ANKS1B: variants seen among roughly 807,000 people sequenced by gnomAD.
ANKS1B encodes the protein ankyrin repeat and sterile alpha motif domain-containing protein 1B.
A neutral mutation model predicts 148.3 loss-of-function variants in ANKS1B; 36 were observed. The ratio of observed to expected loss-of-function variants is 0.24; its 90% CI spans 0.19 to 0.32. ANKS1B has a LOEUF of 0.32. Among genes scored for constraint, ANKS1B ranks in the 10% least tolerant of loss-of-function variants. The probability of loss-of-function intolerance (pLI) is 1.00; values close to 1 mark genes in which losing one functional copy is unlikely to be tolerated. For missense variants in ANKS1B, 1,157 were observed against 1,542.6 expected (o/e 0.75, Z 4.19); for synonymous variants, 542 against 560.8 (o/e 0.97, Z 0.47).
At chr12:99,443,587 C>G (rs1334859989) in intron 11 of ANKS1B, 86 bp downstream of exon 11, 2 of 1,395,206 alleles carry the variant, frequency 1.4e-6, no homozygotes, top group Non-Finnish European at 2.0e-6. Context: ...ATAAAACAGT[C>G]CAGGCATTGC....
intron 9 of ANKS1B, among the ~76,000 whole-genome samples, chr12:99,578,618 A>G (rs570970180): frequency 6.6e-6 from 1 of 152,274 alleles, no homozygotes; most frequent in African/African-American, 2.4e-5. Context: ...AAAAGAATAA[A>G]ATGCCTAGGA....
At chr12:98,965,703 G>C (rs573942202) in intron 17 of ANKS1B, among the ~76,000 whole-genome samples, 4 of 152,214 alleles carry the variant, frequency 2.6e-5, no homozygotes, top group South Asian at 2.1e-4. Context: ...AACAGAGATA[G>C]AGACCAATGG....
intron 8 of ANKS1B, among the ~76,000 whole-genome samples, chr12:99,715,964 A>C (rs1375942572): frequency 6.6e-6 from 1 of 152,104 alleles, no homozygotes; most frequent in African/African-American, 2.4e-5. Flanking sequence ...ATGTTTAATC[A>C]TTGCAGGGAC....
intron 12 of ANKS1B, chr12:99,352,196 G>C (rs908040636): frequency 5.3e-5 from 8 of 151,812 alleles, no homozygotes; most frequent in Non-Finnish European, 1.2e-4. Context: ...TATTATATTT[G>C]ATAAATTAAA....
At chr12:99,930,041 A>T (rs1285352923) in intron 1 of ANKS1B, among the ~76,000 whole-genome samples, 2 of 152,002 alleles carry the variant, frequency 1.3e-5, no homozygotes, top group African/African-American at 2.4e-5. Flanking sequence ...GAAGAAAGTC[A>T]TTGGTAGCTT....
At position 98,801,428 on chromosome 12, in the gene ANKS1B, T is replaced by A. The variant is rs2099004360; in HGVS notation, c.3142-303A>T. On this transcript the variant is annotated intron_variant, in intron 20 of 26. Transcript: ENST00000683438. The surrounding 1 kb of genome is among the most constrained non-coding windows in gnomAD (Gnocchi z 5.2). ...ATGATTTACTAATCACAATTTTCCA[T>A]CACAACAGCAAAGGACACACAATCT... 6.6e-6 allele frequency among the ~76,000 whole-genome samples: 1 copy of A among 152,186 alleles called. No individual in the cohort carries two copies. Among genetic ancestry groups the A allele is most frequent in the Non-Finnish European group, 1.5e-5 (1 of 68,040 alleles).
chr12:98,925,299 T>G (rs1010816130), intron 17 of ANKS1B, among the ~76,000 whole-genome samples: 9 of 152,262 alleles, frequency 5.9e-5, no homozygotes, highest in Middle Eastern at 3.4e-3. Context: ...CTGGGGTATA[T>G]GAAGGAAGAA....
intron 22 of ANKS1B, among the ~76,000 whole-genome samples, chr12:98,797,398 T>G (rs575191987): frequency 6.6e-6 from 1 of 152,292 alleles, no homozygotes; most frequent in Non-Finnish European, 1.5e-5. Context: ...CCTCCATTTC[T>G]TCGTCTGTAA....
chr12:99,614,668 T>A (rs2097935833), intron 9 of ANKS1B, among the ~76,000 whole-genome samples: 1 of 152,058 alleles, frequency 6.6e-6, no homozygotes, highest in Admixed American at 6.6e-5. Flanking sequence ...TTTTTTTACA[T>A]GTAGTATATT....
chr12:99,560,650 T>C (rs2097324061), intron 9 of ANKS1B, among the ~76,000 whole-genome samples: 1 of 152,130 alleles, frequency 6.6e-6, no homozygotes, highest in East Asian at 1.9e-4. Context: ...TAGCATTATA[T>C]CTATAAAAGC....
At chr12:99,182,698 T>C (rs1480574649) in intron 14 of ANKS1B, among the ~76,000 whole-genome samples, 3 of 152,200 alleles carry the variant, frequency 2.0e-5, no homozygotes, top group Middle Eastern at 3.2e-3. Context: ...TACTAGATCA[T>C]ATGGTAGCCC....
rs536014753 is a variant in ANKS1B at position 98,909,270 on chromosome 12, T to C, written c.2779-77134A>G. On this transcript the variant is annotated intron_variant, in intron 17 of 26. Coordinates refer to ENST00000683438, the MANE Select transcript of ANKS1B (RefSeq NM_001352186.2). ...TCCGCACAGAGTGAACACTCAAATG[T>C]TGAGGGCTGATAAATGTGAGTAGCA... Among the ~76,000 whole-genome samples the C allele has an allele frequency of 2.0e-5, 3 of 152,318 alleles. No individual in the cohort carries two copies. The East Asian group carries it at 5.8e-4, about 29-fold the overall frequency.
At chr12:98,985,087 C>T (rs1275078593) in intron 17 of ANKS1B, among the ~76,000 whole-genome samples, 3 of 152,056 alleles carry the variant, frequency 2.0e-5, no homozygotes, top group Non-Finnish European at 4.4e-5. Flanking sequence ...TTTTATTTAT[C>T]CAATATGACA....
At chr12:99,824,762 T>C (rs1366753075) in intron 2 of ANKS1B, among the ~76,000 whole-genome samples, 1 of 152,146 alleles carries the variant, frequency 6.6e-6, no homozygotes, top group African/African-American at 2.4e-5. Flanking sequence ...ACATATACTA[T>C]TACATTATTT....
intron 9 of ANKS1B, among the ~76,000 whole-genome samples, chr12:99,585,075 C>T (rs1414554542): frequency 1.3e-5 from 2 of 152,146 alleles, no homozygotes; most frequent in Non-Finnish European, 2.9e-5. Context: ...CCAGCATTAA[C>T]TCAAAAGTCC....
intron 12 of ANKS1B, among the ~76,000 whole-genome samples, chr12:99,369,262 C>T (rs1373094691): frequency 6.6e-6 from 1 of 152,054 alleles, no homozygotes; most frequent in African/African-American, 2.4e-5. Flanking sequence ...CTAGATGTGC[C>T]CAAGACTTTG....
At chr12:98,833,286 G>C (rs2099338282) in intron 17 of ANKS1B, among the ~76,000 whole-genome samples, 1 of 152,182 alleles carries the variant, frequency 6.6e-6, no homozygotes, top group Non-Finnish European at 1.5e-5. Flanking sequence ...GTGGCTCTGG[G>C]ATTTGAATCA....
At chr12:99,041,876 G>A (rs1399262975) in intron 17 of ANKS1B, among the ~76,000 whole-genome samples, 1 of 151,846 alleles carries the variant, frequency 6.6e-6, no homozygotes, top group Non-Finnish European at 1.5e-5. Flanking sequence ...GGTGGTGTGC[G>A]CCTAGTCCCA....
chr12:99,010,757 A>ATT (rs1274510399), intron 17 of ANKS1B, among the ~76,000 whole-genome samples: 40 of 96,122 alleles, frequency 4.2e-4, no homozygotes, highest in African/African-American at 1.4e-3. Context: ...TATTATTATT[A>ATT]TTATTTTTTT....
Sources: gnomAD v4.1 joint callset for allele counts (sites outside exome capture counted in the v4.1 genomes callset) on GRCh38, gnomAD v4.1.1 for gene constraint, Gnocchi (gnomAD v3.1) non-coding constraint, MANE v1.5 for transcripts, NCBI Gene and HGNC (gene_info 2026-07-23, HGNC 2026-07-21) for gene names.